The following EYS variants were observed in gnomAD, a reference collection of about 807,000 sequenced individuals.
The protein encoded by EYS is protein eyes shut homolog.
Under a neutral mutation model 282.1 loss-of-function variants are expected in EYS, and 250 were observed. That is an observed-to-expected ratio of 0.89 (90% CI 0.80 to 0.98). The LOEUF is 0.98. Ranked by LOEUF, EYS falls within the 50% of genes least tolerant of loss-of-function variation. EYS has a pLI of 0.00. For missense variants in EYS, 4,016 were observed against 3,709.0 expected (o/e 1.08, Z -2.15); for synonymous variants, 1,355 against 1,282.9 (o/e 1.06, Z -1.20).
chr6:65,704,329 T>G (rs1300972632), intron 1 of EYS, among the ~76,000 whole-genome samples: 1 of 152,192 alleles, frequency 6.6e-6, no homozygotes, highest in Non-Finnish European at 1.5e-5. Context: ...TTTATGAAAA[T>G]TCACTTGCTA....
At chr6:65,686,533 C>A (rs555855320) in intron 1 of EYS, among the ~76,000 whole-genome samples, 1 of 151,932 alleles carries the variant, frequency 6.6e-6, no homozygotes, top group Non-Finnish European at 1.5e-5. Context: ...CAAACACATA[C>A]GAATACATAA....
intron 2 of EYS, among the ~76,000 whole-genome samples, chr6:65,584,938 C>G (rs1764994123): frequency 6.6e-6 from 1 of 150,536 alleles, no homozygotes; most frequent in African/African-American, 2.4e-5. Context: ...TGTCTCCAAA[C>G]TTTGTGATTT....
intron 26 of EYS, among the ~76,000 whole-genome samples, chr6:64,579,282 T>C (rs1765986743): frequency 6.6e-6 from 1 of 152,184 alleles, no homozygotes; most frequent in South Asian, 2.1e-4. Context: ...AGGACAAAAA[T>C]GATAAGCAGA....
chr6:64,606,459 T>G (rs2149841266), intron 24 of EYS, among the ~76,000 whole-genome samples: 1 of 152,138 alleles, frequency 6.6e-6, no homozygotes, highest in Admixed American at 6.5e-5. Flanking sequence ...TATATTATCA[T>G]TTGTTTACCC....
chr6:64,321,199 T>C (rs1420817983), intron 29 of EYS, among the ~76,000 whole-genome samples: 1 of 151,794 alleles, frequency 6.6e-6, no homozygotes, highest in Non-Finnish European at 1.5e-5. Flanking sequence ...ATTCAAATAC[T>C]ATGAACACTT....
chr6:64,450,923 G>C (rs916983644), intron 26 of EYS, among the ~76,000 whole-genome samples: 4 of 151,908 alleles, frequency 2.6e-5, no homozygotes, highest in African/African-American at 7.3e-5. Context: ...CTAAAATTGA[G>C]ACCCTAACAT....
intron 12 of EYS, among the ~76,000 whole-genome samples, chr6:65,103,574 C>T (rs1323834876): frequency 1.3e-5 from 2 of 151,424 alleles, no homozygotes; most frequent in Non-Finnish European, 1.5e-5. Flanking sequence ...TTGTAAGTGA[C>T]ATATCAATTT....
intron 28 of EYS, among the ~76,000 whole-genome samples, chr6:64,413,525 A>AACAAC (rs376315355): frequency 1.4e-5 from 2 of 146,214 alleles, no homozygotes; most frequent in Non-Finnish European, 3.0e-5. Flanking sequence ...ATTCTTGTCC[A>AACAAC]AACAACAACA....
intron 12 of EYS, among the ~76,000 whole-genome samples, chr6:65,274,876 C>T (rs192007353): frequency 6.5e-4 from 98 of 150,794 alleles, no homozygotes; most frequent in African/African-American, 2.2e-3. Context: ...GGATAAGTTG[C>T]TGCATCTGGT....
At chr6:65,164,022 A>G (rs970278370) in intron 12 of EYS, among the ~76,000 whole-genome samples, 5 of 151,310 alleles carry the variant, frequency 3.3e-5, no homozygotes, top group Non-Finnish European at 5.9e-5. Context: ...TATAATACAG[A>G]CAGCAGCCCC....
chr6:65,439,321 G>A (rs969940935), intron 5 of EYS, among the ~76,000 whole-genome samples: 2 of 152,000 alleles, frequency 1.3e-5, no homozygotes, highest in Admixed American at 1.3e-4. Flanking sequence ...GATTGACTTG[G>A]CAATGCAGGC....
chr6:64,945,390 A>G (rs1161153600), intron 15 of EYS, among the ~76,000 whole-genome samples: 1 of 152,100 alleles, frequency 6.6e-6, no homozygotes, highest in African/African-American at 2.4e-5. Flanking sequence ...TACTAAAATA[A>G]TCCAAAATCA....
intron 12 of EYS, among the ~76,000 whole-genome samples, chr6:65,109,669 A>G (rs1047015110): frequency 3.3e-5 from 5 of 151,918 alleles, no homozygotes; most frequent in Non-Finnish European, 5.9e-5. Context: ...AAAAAAAAAA[A>G]AACACCTTTT....
At chr6:63,756,869 A>T (rs571551353) in intron 41 of EYS, among the ~76,000 whole-genome samples, 1 of 152,148 alleles carries the variant, frequency 6.6e-6, no homozygotes, top group African/African-American at 2.4e-5. Flanking sequence ...TACTTTTATA[A>T]TTTCTTATCC....
intron 19 of EYS, among the ~76,000 whole-genome samples, chr6:64,842,040 G>C (rs1015892467): frequency 6.6e-5 from 10 of 152,048 alleles, no homozygotes; most frequent in African/African-American, 4.8e-5. Context: ...CACCTTAAGT[G>C]AGATTTTAAT....
intron 40 of EYS, among the ~76,000 whole-genome samples, chr6:63,776,785 C>T (rs1401632408): frequency 2.0e-5 from 3 of 152,036 alleles, no homozygotes; most frequent in Admixed American, 1.3e-4. Flanking sequence ...CCACCTTCAC[C>T]TTCAACTTCA....
At chr6:64,479,703 T>C (rs1013042008) in intron 26 of EYS, among the ~76,000 whole-genome samples, 5 of 151,962 alleles carry the variant, frequency 3.3e-5, no homozygotes, top group Non-Finnish European at 7.4e-5. Flanking sequence ...TCTCAACACT[T>C]TTAAACAGCT....
chr6:63,736,068 G>T (rs927468909), intron 41 of EYS, among the ~76,000 whole-genome samples: 1 of 152,052 alleles, frequency 6.6e-6, no homozygotes, highest in African/African-American at 2.4e-5. Flanking sequence ...GGATTTGCCA[G>T]GTTTCTTCAC....
At chr6:64,344,173 T>C (rs1275304139) in intron 29 of EYS, among the ~76,000 whole-genome samples, 2 of 151,980 alleles carry the variant, frequency 1.3e-5, no homozygotes, top group African/African-American at 2.4e-5. Flanking sequence ...TTCCAATCAA[T>C]AGAAAAAGAG....
Sources: allele counts gnomAD v4.1 joint callset (sites outside exome capture counted in the v4.1 genomes callset), GRCh38; gene constraint gnomAD v4.1.1; transcripts MANE v1.5; gene names NCBI Gene and HGNC (gene_info 2026-07-23, HGNC 2026-07-21).